Variants in SYNE2 observed in about 807,000 individuals in gnomAD.
SYNE2 encodes nesprin-2.
SYNE2 carries 431 observed loss-of-function variants against 856.3 expected under a neutral mutation model. The ratio of observed to expected loss-of-function variants is 0.50; its 90% CI spans 0.47 to 0.55. SYNE2 has a LOEUF of 0.55. SYNE2 is among the 20% of genes least tolerant of loss of function. The pLI is 0.00. For synonymous variants in SYNE2, 2,923 were observed against 2,872.3 expected, an observed-to-expected ratio of 1.02 and a Z score of -0.56; for missense variants, 8,129 against 8,023.2, an observed-to-expected ratio of 1.01 and a Z score of -0.50.
Position 64,134,587 on chromosome 14 carries a change from G to T in SYNE2, c.14646+387G>T, listed in dbSNP as rs549034819. Among the ~76,000 whole-genome samples the T allele has an allele frequency of 9.2e-5, 14 of 152,284 alleles. 1 individual carries two copies. Among genetic ancestry groups the T allele is most frequent in the Admixed American group, 7.2e-4 (11 of 15,292 alleles). The stretch of plus-strand genomic sequence containing the variant: ...ATGGAAAGAACTTTGTCAGCCTTCG[G>T]CCTCTAAACATATATTTCGTTTTAT... On this transcript the variant is annotated intron_variant, in intron 78 of 115. Coordinates refer to ENST00000555002, the MANE Select transcript of SYNE2 (RefSeq NM_182914.3).
At chr14:64,007,384 C>G (rs2096804748) in intron 31 of SYNE2, among the ~76,000 whole-genome samples, 162 bp downstream of exon 31, 1 of 152,154 alleles carries the variant, frequency 6.6e-6, no homozygotes, top group Admixed American at 6.5e-5. Flanking sequence ...GGGACAAGAC[C>G]TAGAATTGTA....
At chr14:63,955,853 G>A (rs1400826004) in intron 8 of SYNE2, among the ~76,000 whole-genome samples, 2 of 152,088 alleles carry the variant, frequency 1.3e-5, no homozygotes, top group East Asian at 1.9e-4. Flanking sequence ...AACTAACTTA[G>A]GGTTGTATTT....
Position 63,909,226 on chromosome 14 carries a change from A to G in SYNE2, c.78A>G (p.Gln26=). The G allele has an allele frequency of 6.2e-7, 1 of 1,610,110 alleles. No individual in the cohort carries two copies. Among genetic ancestry groups the G allele is most frequent in the Non-Finnish European group, 8.5e-7 (1 of 1,177,070 alleles). The change falls in exon 2 of 116, where the codon CAA becomes CAG. Residue 26 remains glutamine (Q), a splice_region_variant and synonymous_variant. Transcript: ENST00000555002. ...WGIDDLHISL[Q]AEQEDTQKKA... Reference sequence around the variant, plus strand: ...TCGACGATCTCCATATTTCATTGCAAGGTAATTAAGATTGGGTGGGGGTAA... The same window carrying G: ...TCGACGATCTCCATATTTCATTGCAGGGTAATTAAGATTGGGTGGGGGTAA...
chr14:63,970,946 C>G (rs993941462), intron 11 of SYNE2, among the ~76,000 whole-genome samples: 1 of 152,118 alleles, frequency 6.6e-6, no homozygotes, highest in East Asian at 1.9e-4. Flanking sequence ...AGCCACTGTG[C>G]CTGGCCCCCG....
At chr14:64,046,293 T>G (rs866997416) in intron 45 of SYNE2, among the ~76,000 whole-genome samples, 4 of 152,380 alleles carry the variant, frequency 2.6e-5, no homozygotes, top group African/African-American at 9.6e-5. Flanking sequence ...TAACTTGTTC[T>G]GCCTTACCTA....
intron 28 of SYNE2, among the ~76,000 whole-genome samples, chr14:64,001,460 G>A (rs936695679): frequency 9.9e-5 from 15 of 152,156 alleles, no homozygotes; most frequent in African/African-American, 3.6e-4. Flanking sequence ...CAAGGCAGGC[G>A]GATCACTTGA....
chr14:63,879,374 T>TG (rs758134321), intron 1 of SYNE2, among the ~76,000 whole-genome samples: 10 of 152,170 alleles, frequency 6.6e-5, no homozygotes, highest in Admixed American at 5.2e-4. Flanking sequence ...ACTTGAACTG[T>TG]GGGTAGACTA....
chr14:63,896,387 G>A (rs1399520614), intron 1 of SYNE2, among the ~76,000 whole-genome samples: 1 of 152,192 alleles, frequency 6.6e-6, no homozygotes, highest in African/African-American at 2.4e-5. Flanking sequence ...TTCTCTGAAG[G>A]GGTAGAACAA....
chr14:63,940,651 C>T lies in SYNE2; in HGVS notation c.117C>T (p.Cys39=), dbSNP rs750366908. ...ACACCCAGAAGAAAGCCTTCACGTG[C>T]TGGATAAACTCACAGTTGGCCAGGG... ...QEDTQKKAFT[C]WINSQLARHT... is the part of the protein sequence containing the mutation. The change falls in exon 3 of 116, where the codon TGC becomes TGT. Residue 39 remains cysteine (C), a synonymous_variant. Coordinates refer to ENST00000555002, the MANE Select transcript of SYNE2 (RefSeq NM_182914.3). 1.2e-6 allele frequency: 2 copies of T among 1,614,116 alleles called. No homozygotes were observed. The highest frequency in any genetic ancestry group is 8.5e-7 in the Non-Finnish European group (1 of 1,179,988).
chr14:64,138,975 G>C (rs1048067007), intron 79 of SYNE2, among the ~76,000 whole-genome samples: 7 of 133,218 alleles, frequency 5.3e-5, no homozygotes, highest in Non-Finnish European at 9.5e-5. Flanking sequence ...GTGTGTGTGT[G>C]TGTGTATGTA....
At chr14:63,775,293 G>T (rs2139718720) in intron 1 of SYNE2, among the ~76,000 whole-genome samples, 1 of 151,376 alleles carries the variant, frequency 6.6e-6, no homozygotes, top group Non-Finnish European at 1.5e-5. Flanking sequence ...CTTATTTTTT[G>T]AGATGGAGTC....
chr14:63,967,826 T>C lies in SYNE2; in HGVS notation c.1108T>C (p.Trp370Arg). ...DKDHLQLREA[W>R]DGLDHQINAW... ...GGATCATTTACAGTTGAGAGAAGCCTGGGATGGCCTCGATCACCAGGTGAC... is the reference window on the plus strand; with the variant it reads ...GGATCATTTACAGTTGAGAGAAGCCCGGGATGGCCTCGATCACCAGGTGAC... The change falls in exon 11 of 116, where the codon TGG becomes CGG. Residue 370 changes from tryptophan (W) to arginine (R), a missense_variant. Transcript: ENST00000555002. 6.2e-7 allele frequency: 1 copy of C among 1,614,094 alleles called. No individual in the cohort carries two copies. The highest frequency in any genetic ancestry group is 8.5e-7 in the Non-Finnish European group (1 of 1,179,980).
chr14:64,130,481 G>C (rs2098004981), intron 76 of SYNE2, among the ~76,000 whole-genome samples: 1 of 152,150 alleles, frequency 6.6e-6, no homozygotes, highest in Non-Finnish European at 1.5e-5. Context: ...GCTTTCACCT[G>C]ATTGAGAAGA....
upstream of SYNE2, among the ~76,000 whole-genome samples, chr14:63,851,989 G>A (rs1167757408): frequency 5.3e-5 from 2 of 37,720 alleles, no homozygotes; most frequent in Non-Finnish European, 1.0e-4. Flanking sequence ...GGGGGGGGGG[G>A]GGGGAATGAA....
intron 18 of SYNE2, 101 bp from the exon 19 acceptor site, chr14:63,986,355 C>T: frequency 7.9e-7 from 1 of 1,263,450 alleles, no homozygotes; most frequent in Non-Finnish European, 1.1e-6. Context: ...CTGCCCTGGC[C>T]TCCTAAAGAG....
chr14:64,211,747 G>A (rs537698756), intron 103 of SYNE2, among the ~76,000 whole-genome samples: 19 of 152,336 alleles, frequency 1.2e-4, no homozygotes, highest in African/African-American at 4.6e-4. Context: ...GGGGCTCAGA[G>A]AAGTTGAGGG....
chr14:64,141,043 G>A (rs1466964692), intron 80 of SYNE2, among the ~76,000 whole-genome samples: 2 of 152,028 alleles, frequency 1.3e-5, no homozygotes, highest in African/African-American at 4.8e-5. Flanking sequence ...TTCATTTAAT[G>A]TGCACTTTGT....
intron 1 of SYNE2, among the ~76,000 whole-genome samples, chr14:63,893,789 G>A (rs933591392): frequency 1.6e-4 from 24 of 152,164 alleles, no homozygotes; most frequent in African/African-American, 5.8e-4. Context: ...AGTCTAAGGA[G>A]TGTGTTTCTC....
chr14:63,953,021 A>T (rs971979543), intron 7 of SYNE2, among the ~76,000 whole-genome samples: 3 of 152,230 alleles, frequency 2.0e-5, no homozygotes, highest in African/African-American at 4.8e-5. Flanking sequence ...TGATTTTTTT[A>T]AAAATATGTG....
Sources: allele counts gnomAD v4.1 joint callset (sites outside exome capture counted in the v4.1 genomes callset), GRCh38; gene constraint gnomAD v4.1.1; transcripts MANE v1.5; gene names NCBI Gene and HGNC (gene_info 2026-07-23, HGNC 2026-07-21).